SORCS1: variants seen among roughly 807,000 people sequenced by gnomAD.
The protein encoded by SORCS1 is VPS10 domain-containing receptor SorCS1.
SORCS1 carries 60 observed loss-of-function variants against 146.1 expected under a neutral mutation model. That is an observed-to-expected ratio of 0.41 (90% CI 0.33 to 0.51). The LOEUF is 0.51. Among genes scored for constraint, SORCS1 ranks in the 20% least tolerant of loss-of-function variants. The pLI is 0.21. For missense variants in SORCS1, 1,352 were observed against 1,487.6 expected, an observed-to-expected ratio of 0.91 and a Z score of 1.50; for synonymous variants, 637 against 584.0, an observed-to-expected ratio of 1.09 and a Z score of -1.31.
In SORCS1 at chr10:106,954,735, C is replaced by T. The variant is rs150004432; in HGVS notation, c.626+1778G>A. On this transcript the variant is annotated intron_variant, in intron 2 of 25. Coordinates refer to ENST00000263054, the MANE Select transcript of SORCS1 (RefSeq NM_052918.5). The stretch of plus-strand genomic sequence containing the variant: ...TCATGGATGGGAAGCTCCTCCGAGA[C>T]CCAATATGTTTTTCTCTTTCTACCT... Among the ~76,000 whole-genome samples, 17 of 152,268 alleles carry T rather than the reference C, an allele frequency of 1.1e-4. No individual in the cohort carries two copies. In the East Asian group the frequency reaches 3.3e-3, roughly 29 times the overall value.
intron 1 of SORCS1, among the ~76,000 whole-genome samples, chr10:107,055,626 C>T (rs1960548532): frequency 6.6e-6 from 1 of 152,200 alleles, no homozygotes; most frequent in African/African-American, 2.4e-5. Flanking sequence ...CAAAGTTCTG[C>T]ACTTTTTTTC....
intron 1 of SORCS1, 27 bp downstream of exon 1, chr10:107,163,942 C>G (rs779017878): frequency 6.3e-7 from 1 of 1,597,658 alleles, no homozygotes; most frequent in East Asian, 2.2e-5. Context: ...CTTTCCACCC[C>G]TTTACCCTCA....
intron 3 of SORCS1, among the ~76,000 whole-genome samples, chr10:106,779,301 A>G (rs937911618): frequency 3.9e-5 from 6 of 152,144 alleles, no homozygotes; most frequent in African/African-American, 1.2e-4. Flanking sequence ...TTTCTGTTCA[A>G]TTCTACTCAG....
chr10:106,862,388 A>G (rs989757046), intron 2 of SORCS1, among the ~76,000 whole-genome samples: 5 of 152,296 alleles, frequency 3.3e-5, no homozygotes, highest in Middle Eastern at 3.4e-3. Flanking sequence ...ATGTCTTTTA[A>G]TATCACCATT....
chr10:106,693,769 T>C (rs1166592608), intron 9 of SORCS1, among the ~76,000 whole-genome samples: 1 of 152,210 alleles, frequency 6.6e-6, no homozygotes, highest in East Asian at 1.9e-4. Flanking sequence ...TAAATATCTC[T>C]AGTACTTCTT....
chr10:106,844,150 TC>T, intron 2 of SORCS1, among the ~76,000 whole-genome samples: 1 of 152,360 alleles, frequency 6.6e-6, no homozygotes, highest in Non-Finnish European at 1.5e-5. Context: ...ATGTTGAACA[TC>T]TTTTCATATA....
intron 2 of SORCS1, among the ~76,000 whole-genome samples, chr10:106,860,223 A>C (rs1043632437): frequency 2.6e-5 from 4 of 152,238 alleles, no homozygotes; most frequent in Admixed American, 2.6e-4. Flanking sequence ...TGGAAAATAA[A>C]ATATCCATTT....
chr10:107,150,518 G>A (rs1443038007), intron 1 of SORCS1, among the ~76,000 whole-genome samples: 3 of 152,246 alleles, frequency 2.0e-5, no homozygotes, highest in Admixed American at 2.0e-4. Flanking sequence ...CAAAAGGCAA[G>A]TGAAGCACTG....
chr10:106,765,934 G>C (rs1045344639), intron 4 of SORCS1, among the ~76,000 whole-genome samples: 7 of 152,148 alleles, frequency 4.6e-5, no homozygotes, highest in African/African-American at 1.7e-4. Context: ...GCTGGGAAAT[G>C]AGTGAAAGAG....
chr10:106,719,520 C>T (rs1247101668), intron 6 of SORCS1, among the ~76,000 whole-genome samples: 2 of 151,568 alleles, frequency 1.3e-5, no homozygotes, highest in Non-Finnish European at 2.9e-5. Context: ...TCAAGCGATT[C>T]TCCTGCCTCA....
chr10:106,728,496 T>C (rs1214878796), intron 6 of SORCS1, among the ~76,000 whole-genome samples: 2 of 152,132 alleles, frequency 1.3e-5, no homozygotes, highest in African/African-American at 4.8e-5. Flanking sequence ...TTGCCTGGGT[T>C]ACAGAGGATG....
chr10:106,856,998 A>C (rs1299494330), intron 2 of SORCS1, among the ~76,000 whole-genome samples: 3 of 152,206 alleles, frequency 2.0e-5, no homozygotes, highest in African/African-American at 7.2e-5. Flanking sequence ...CAAACTGTGA[A>C]CTTCTTACAT....
At chr10:106,850,296 T>C (rs1949504803) in intron 2 of SORCS1, among the ~76,000 whole-genome samples, 1 of 152,116 alleles carries the variant, frequency 6.6e-6, no homozygotes, top group Admixed American at 6.5e-5. Flanking sequence ...TGGTGCGCCG[T>C]GTTTTAAGCC....
At chr10:107,160,867 T>A (rs1969649092) in intron 1 of SORCS1, among the ~76,000 whole-genome samples, 1 of 152,156 alleles carries the variant, frequency 6.6e-6, no homozygotes, top group African/African-American at 2.4e-5. Context: ...AAATATATAT[T>A]TTAACACTCT....
At chr10:106,603,037 CT>C (rs1301970263) in intron 23 of SORCS1, among the ~76,000 whole-genome samples, 1 of 152,016 alleles carries the variant, frequency 6.6e-6, no homozygotes, top group Non-Finnish European at 1.5e-5. Context: ...TTTTTCACAT[CT>C]TTTTTGTTCT....
chr10:106,751,553 G>C (rs902960411), intron 5 of SORCS1, among the ~76,000 whole-genome samples: 1 of 152,016 alleles, frequency 6.6e-6, no homozygotes, highest in Non-Finnish European at 1.5e-5. Context: ...CTGGTTACAG[G>C]GATCTCATTA....
At chr10:106,646,786 G>A (rs1373059325) in intron 18 of SORCS1, among the ~76,000 whole-genome samples, 2 of 151,844 alleles carry the variant, frequency 1.3e-5, no homozygotes, top group Non-Finnish European at 2.9e-5. Context: ...GTGAGATAAA[G>A]ATTCATGTAT....
chr10:107,133,125 T>A (rs1427223691), intron 1 of SORCS1, among the ~76,000 whole-genome samples: 1 of 152,146 alleles, frequency 6.6e-6, no homozygotes, highest in African/African-American at 2.4e-5. Context: ...AAAGGCCAGA[T>A]TGGTTGAATT....
At chr10:107,087,847 C>T (rs1963875546) in intron 1 of SORCS1, among the ~76,000 whole-genome samples, 1 of 152,226 alleles carries the variant, frequency 6.6e-6, no homozygotes, top group African/African-American at 2.4e-5. Context: ...TGCCTGTTTC[C>T]CTTTTGGTTG....
Sources: allele counts gnomAD v4.1 joint callset (sites outside exome capture counted in the v4.1 genomes callset), GRCh38; gene constraint gnomAD v4.1.1; transcripts MANE v1.5; gene names NCBI Gene and HGNC (gene_info 2026-07-23, HGNC 2026-07-21).